The following SLCO1B1 variants were observed in gnomAD, a reference collection of about 807,000 sequenced individuals.
SLCO1B1 encodes the protein OATP-2.
In SLCO1B1, 81 loss-of-function variants were observed where a neutral mutation model predicts 70.1. That is an observed-to-expected ratio of 1.16 (90% CI 0.97 to 1.39). The LOEUF is 1.39. Ranked by LOEUF, SLCO1B1 falls within the 40% of genes most tolerant of loss-of-function variation. The pLI is 0.00. For synonymous variants in SLCO1B1, 283 were observed against 271.5 expected, an observed-to-expected ratio of 1.04 and a Z score of -0.42; for missense variants, 895 against 799.6, an observed-to-expected ratio of 1.12 and a Z score of -1.44.
chr12:21,137,097 T>A (rs994790668), intron 1 of SLCO1B1, among the ~76,000 whole-genome samples: 1 of 152,202 alleles, frequency 6.6e-6, no homozygotes, highest in Non-Finnish European at 1.5e-5. Flanking sequence ...AGAGGTCCAC[T>A]GCAGACCCTG....
chr12:21,142,266 G>A (rs979512068), intron 2 of SLCO1B1, among the ~76,000 whole-genome samples: 1 of 151,884 alleles, frequency 6.6e-6, no homozygotes, highest in Non-Finnish European at 1.5e-5. Flanking sequence ...TGTATTAAAT[G>A]ATACAGTTGA....
chr12:21,213,676 A>G (rs898515285), intron 11 of SLCO1B1, among the ~76,000 whole-genome samples: 2 of 138,918 alleles, frequency 1.4e-5, no homozygotes, highest in East Asian at 4.3e-4. Flanking sequence ...ACTTGGTTCC[A>G]TTCTCCCCAT....
chr12:21,224,665 T>C (rs2121193434), intron 13 of SLCO1B1, 57 bp from the exon 14 acceptor site: 1 of 989,660 alleles, frequency 1.0e-6, no homozygotes, highest in Non-Finnish European at 1.6e-6. Context: ...TGGAATATCA[T>C]GCAGTTACAT....
chr12:21,235,760 T>C (rs1941590406), intron 14 of SLCO1B1, among the ~76,000 whole-genome samples: 1 of 152,096 alleles, frequency 6.6e-6, no homozygotes, highest in South Asian at 2.1e-4. Context: ...TCCTTAGTGT[T>C]TACTGGTCTG....
At chr12:21,177,923 A>T (rs749978706) in intron 5 of SLCO1B1, among the ~76,000 whole-genome samples, 3 of 152,182 alleles carry the variant, frequency 2.0e-5, no homozygotes, top group Non-Finnish European at 4.4e-5. Context: ...TAACAATATG[A>T]ACTAGATTTT....
chr12:21,230,782 T>C (rs1941527499), intron 14 of SLCO1B1, among the ~76,000 whole-genome samples: 1 of 152,202 alleles, frequency 6.6e-6, no homozygotes, highest in Non-Finnish European at 1.5e-5. Flanking sequence ...AAGTGTTTGA[T>C]AGAATTCACC....
chr12:21,214,223 T>A (rs1941326335), intron 11 of SLCO1B1, among the ~76,000 whole-genome samples: 1 of 152,132 alleles, frequency 6.6e-6, no homozygotes, highest in Non-Finnish European at 1.5e-5. Flanking sequence ...ATGATGGTGA[T>A]GTACAGATGG....
At chr12:21,161,971 G>C (rs983075114) in intron 2 of SLCO1B1, among the ~76,000 whole-genome samples, 1 of 151,960 alleles carries the variant, frequency 6.6e-6, no homozygotes, top group African/African-American at 2.4e-5. Context: ...TCACAACAGT[G>C]CACTTTAGCC....
chr12:21,132,593 T>G (rs1227454257), intron 1 of SLCO1B1, among the ~76,000 whole-genome samples: 3 of 152,240 alleles, frequency 2.0e-5, no homozygotes, highest in Admixed American at 6.5e-5. Context: ...CCAGTGATGA[T>G]GAGCATTTTT....
At chr12:21,217,365 G>A in intron 12 of SLCO1B1, 62 bp downstream of exon 12, 1 of 1,265,690 alleles carries the variant, frequency 7.9e-7, no homozygotes, top group Non-Finnish European at 1.2e-6. Flanking sequence ...CTAATGATAT[G>A]CATATTTTTA....
At chr12:21,212,274 C>T (rs1274736997) in intron 11 of SLCO1B1, among the ~76,000 whole-genome samples, 1 of 94,136 alleles carries the variant, frequency 1.1e-5, no homozygotes, top group Middle Eastern at 4.7e-3. Flanking sequence ...TCTTTGTTCT[C>T]GTTGGTTTCA....
chr12:21,164,525 G>A (rs1940661407), intron 2 of SLCO1B1, among the ~76,000 whole-genome samples: 1 of 151,748 alleles, frequency 6.6e-6, no homozygotes, highest in African/African-American at 2.4e-5. Flanking sequence ...TTTTTCCTAA[G>A]TTCTTCTTCT....
chr12:21,153,672 T>C (rs750683338), intron 2 of SLCO1B1, among the ~76,000 whole-genome samples: 1 of 152,134 alleles, frequency 6.6e-6, no homozygotes, highest in African/African-American at 2.4e-5. Context: ...CTTATCATAA[T>C]TGAAAGAAAG....
At chr12:21,134,485 C>T (rs1940189002) in intron 1 of SLCO1B1, among the ~76,000 whole-genome samples, 1 of 152,058 alleles carries the variant, frequency 6.6e-6, no homozygotes, top group South Asian at 2.1e-4. Flanking sequence ...TGTTGGTAAG[C>T]TATTGAGTAT....
At chr12:21,169,126 C>T (rs1940728357) in intron 2 of SLCO1B1, among the ~76,000 whole-genome samples, 1 of 152,046 alleles carries the variant, frequency 6.6e-6, no homozygotes, top group Admixed American at 6.6e-5. Context: ...CTGTCCGCTT[C>T]CTTGTACTAA....
chr12:21,183,244 A>G (rs1209661995), intron 7 of SLCO1B1, among the ~76,000 whole-genome samples: 2 of 152,234 alleles, frequency 1.3e-5, no homozygotes, highest in Non-Finnish European at 2.9e-5. Context: ...TACCCAGGCT[A>G]GAGCGCAGAG....
intron 7 of SLCO1B1, among the ~76,000 whole-genome samples, chr12:21,188,684 T>C (rs372331939): frequency 2.6e-5 from 4 of 151,668 alleles, no homozygotes; most frequent in African/African-American, 9.7e-5. Flanking sequence ...TGCTCAAAAG[T>C]GTGTAATACC....
chr12:21,171,783 C>T (rs563204047), intron 2 of SLCO1B1, among the ~76,000 whole-genome samples: 2 of 152,170 alleles, frequency 1.3e-5, no homozygotes, highest in South Asian at 2.1e-4. Flanking sequence ...GATAAGGGCC[C>T]TATTCCTGGT....
chr12:21,224,789 C>T lies in SLCO1B1; in HGVS notation c.1815C>T (p.Asn605=). The change falls in exon 14 of 15, where the codon AAC becomes AAT. Residue 605 remains asparagine (N), a synonymous_variant. Transcript: ENST00000256958. ...IDTTCIKWST[N]NCGTRGSCRT... Reference sequence around the variant, plus strand: ...CAACGTGTATAAAGTGGTCCACCAACAACTGTGGCACACGTGGGTCATGTA... The same window carrying T: ...CAACGTGTATAAAGTGGTCCACCAATAACTGTGGCACACGTGGGTCATGTA... 6.2e-7 allele frequency: 1 copy of T among 1,611,708 alleles called. No homozygotes were observed. The highest frequency in any genetic ancestry group is 8.5e-7 in the Non-Finnish European group (1 of 1,178,558).
Sources: gnomAD v4.1 joint callset for allele counts (sites outside exome capture counted in the v4.1 genomes callset) on GRCh38, gnomAD v4.1.1 for gene constraint, MANE v1.5 for transcripts, NCBI Gene and HGNC (gene_info 2026-07-23, HGNC 2026-07-21) for gene names.